DSC3: variants seen among roughly 807,000 people sequenced by gnomAD.
DSC3 encodes desmocollin 3.
A neutral mutation model predicts 89.5 loss-of-function variants in DSC3; 97 were observed. The observed-to-expected ratio is 1.08, with a 90% CI of 0.92 to 1.28. The LOEUF (loss-of-function observed/expected upper bound fraction) is 1.28, where lower values mean the gene tolerates loss of function less well. Ranked by LOEUF, DSC3 falls within the 50% of genes most tolerant of loss-of-function variation. The pLI is 0.00. For synonymous variants in DSC3, 436 were observed against 384.1 expected (o/e 1.14, Z -1.58); for missense variants, 1,199 against 1,085.3 (o/e 1.10, Z -1.47).
chr18:31,009,184 G>A (rs1984974137), intron 9 of DSC3, among the ~76,000 whole-genome samples: 1 of 152,042 alleles, frequency 6.6e-6, no homozygotes, highest in Non-Finnish European at 1.5e-5. Flanking sequence ...CCATGTAGCT[G>A]GGACTACAGG....
At chr18:31,000,660 T>C (rs1984621406) in intron 14 of DSC3, among the ~76,000 whole-genome samples, 1 of 152,206 alleles carries the variant, frequency 6.6e-6, no homozygotes, top group African/African-American at 2.4e-5. Flanking sequence ...AAATAGCCCC[T>C]AAACTTTATC....
At chr18:31,036,785 G>A (rs1014530452) in intron 1 of DSC3, among the ~76,000 whole-genome samples, 7 of 89,642 alleles carry the variant, frequency 7.8e-5, no homozygotes, top group African/African-American at 1.7e-4. Flanking sequence ...TTTCCTTTTT[G>A]CTTTCTTTCT....
At chr18:31,016,562 A>G (rs934925390) in intron 9 of DSC3, among the ~76,000 whole-genome samples, 2 of 152,174 alleles carry the variant, frequency 1.3e-5, no homozygotes, top group Admixed American at 6.5e-5. Context: ...TATACACCAC[A>G]GCCCCTCAGC....
At chr18:31,035,317 C>G (rs1447072857) in intron 1 of DSC3, among the ~76,000 whole-genome samples, 1 of 151,874 alleles carries the variant, frequency 6.6e-6, no homozygotes, top group Non-Finnish European at 1.5e-5. Flanking sequence ...ACAAAAATAT[C>G]ACAAAAATAT....
At chr18:31,027,895 C>T (rs1201728205) in intron 4 of DSC3, among the ~76,000 whole-genome samples, 1 of 152,012 alleles carries the variant, frequency 6.6e-6, no homozygotes, top group South Asian at 2.1e-4. Flanking sequence ...CAGCTTAAAC[C>T]TTATGAAACA....
chr18:31,037,704 T>C (rs1257465018), intron 1 of DSC3, among the ~76,000 whole-genome samples: 2 of 152,078 alleles, frequency 1.3e-5, no homozygotes, highest in African/African-American at 4.8e-5. Context: ...GTTCGAGACA[T>C]GCCGGACCAA....
At chr18:30,994,567 C>T (rs1315310867) in intron 15 of DSC3, 195 bp from the exon 16 acceptor site, 3 of 1,228,646 alleles carry the variant, frequency 2.4e-6, no homozygotes, top group East Asian at 5.4e-5. Context: ...GTTTACATTT[C>T]TAGTGCTCCA....
At chr18:31,014,479 A>G (rs1252199696) in intron 9 of DSC3, among the ~76,000 whole-genome samples, 3 of 152,098 alleles carry the variant, frequency 2.0e-5, no homozygotes, top group East Asian at 3.9e-4. Flanking sequence ...TTGAACTTTG[A>G]ATTTTTGTTT....
chr18:31,031,204 A>G, intron 2 of DSC3, 32 bp from the exon 3 acceptor site: 1 of 1,475,548 alleles, frequency 6.8e-7, no homozygotes, highest in Non-Finnish European at 9.3e-7. Context: ...TTGTAAGGTA[A>G]AAACACATGA....
chr18:31,022,187 T>TA (rs1054578088), intron 7 of DSC3, 149 bp downstream of exon 7: 87 of 975,486 alleles, frequency 8.9e-5, no homozygotes, highest in Admixed American at 3.9e-4. Flanking sequence ...AGAAATAATA[T>TA]AAAAAACAGA....
chr18:31,029,313 G>T (rs905900133), intron 4 of DSC3, among the ~76,000 whole-genome samples, 196 bp downstream of exon 4: 2 of 152,106 alleles, frequency 1.3e-5, no homozygotes, highest in African/African-American at 4.8e-5. Context: ...AACAAATAAA[G>T]ATCATTCAAT....
intron 12 of DSC3, 101 bp from the exon 13 acceptor site, chr18:31,004,467 C>T: frequency 4.9e-6 from 5 of 1,013,020 alleles, no homozygotes; most frequent in Non-Finnish European, 7.3e-6. Flanking sequence ...TCTCAAGGAA[C>T]TGCCTGCCAG....
intron 9 of DSC3, among the ~76,000 whole-genome samples, chr18:31,017,118 T>C (rs1233931277): frequency 6.6e-6 from 1 of 152,164 alleles, no homozygotes; most frequent in Non-Finnish European, 1.5e-5. Flanking sequence ...TACTTGGTTT[T>C]AGTATTCAAT....
intron 7 of DSC3, among the ~76,000 whole-genome samples, chr18:31,019,084 A>C (rs1985332393): frequency 6.6e-6 from 1 of 152,154 alleles, no homozygotes; most frequent in Admixed American, 6.5e-5. Context: ...GCACAAAATA[A>C]GAATATTTGA....
chr18:31,001,083 G>GTA (rs1486844916), intron 14 of DSC3, among the ~76,000 whole-genome samples: 1 of 99,964 alleles, frequency 1.0e-5, no homozygotes, highest in African/African-American at 3.7e-5. Flanking sequence ...TATACTTTGT[G>GTA]TGTGTGTATA....
Position 30,991,554 on chromosome 18 carries a change from G to A in DSC3, c.*2621C>T, listed in dbSNP as rs1984242687. 6.6e-6 allele frequency: 1 copy of A among 152,188 alleles called. No homozygotes were observed. Among genetic ancestry groups the A allele is most frequent in the Non-Finnish European group, 1.5e-5 (1 of 68,048 alleles). 9.4% of individuals were successfully genotyped at this position (152,188 alleles called of 1,614,324 possible). A position where few individuals can be genotyped will look rare whatever the true frequency, so the allele number is the denominator to read the frequency against. On this transcript the variant is annotated 3_prime_UTR_variant, in exon 16 of 16. Transcript: ENST00000360428. The stretch of plus-strand genomic sequence containing the variant: ...TTTTATAAACAGGGAAGTGATACTG[G>A]TTGCTCTTTGAGAAAGTTTATCGGC...
Position 30,993,621 on chromosome 18 carries a change from C to G in DSC3, c.*554G>C, listed in dbSNP as rs1233387561. 3 of 153,232 alleles carry G rather than the reference C, an allele frequency of 2.0e-5. No individual in the cohort carries two copies. Among genetic ancestry groups the G allele is most frequent in the Non-Finnish European group, 4.4e-5 (3 of 68,888 alleles). 9.5% of individuals were successfully genotyped at this position (153,232 alleles called of 1,614,324 possible). Reference sequence around the variant, plus strand: ...ACACACATTTATTTCCAACTATATTCCTATAGAAAATTGCTACTTCATAGG... The same window carrying G: ...ACACACATTTATTTCCAACTATATTGCTATAGAAAATTGCTACTTCATAGG... On this transcript the variant is annotated 3_prime_UTR_variant, in exon 16 of 16. Coordinates refer to ENST00000360428, the MANE Select transcript of DSC3 (RefSeq NM_001941.5).
Position 30,994,304 on chromosome 18 carries a change from A to T in DSC3, c.2562T>A (p.Tyr854Ter), listed in dbSNP as rs1333726220. The change falls in exon 16 of 16, where the codon TAT (tyrosine) becomes TAA (stop). Residue 854 changes from tyrosine (Y) to a stop codon, truncating the protein, a stop_gained. Coordinates refer to ENST00000360428, the MANE Select transcript of DSC3 (RefSeq NM_001941.5). LOFTEE classifies it high-confidence loss of function. Reference protein sequence around the residue: ...PSQDYVLTYNYEGRGSPAGSV... With the variant: ...PSQDYVLTYN The stretch of plus-strand genomic sequence containing the variant: ...AACCAGCTGGAGATCCTCTTCCCTC[A>T]TAGTTATAAGTGAGGACATAATCTT... The T allele has an allele frequency of 1.2e-6, 2 of 1,614,090 alleles. No homozygotes were observed. Among genetic ancestry groups the T allele is most frequent in the East Asian group, 2.2e-5 (1 of 44,858 alleles).
chr18:31,039,490 G>A (rs1986068714), intron 1 of DSC3, among the ~76,000 whole-genome samples: 1 of 152,094 alleles, frequency 6.6e-6, no homozygotes, highest in Non-Finnish European at 1.5e-5. Flanking sequence ...TTTCTCCTGT[G>A]GCCATAAGTC....
Sources: allele counts gnomAD v4.1 joint callset (sites outside exome capture counted in the v4.1 genomes callset), GRCh38; gene constraint gnomAD v4.1.1; transcripts MANE v1.5; gene names NCBI Gene and HGNC (gene_info 2026-07-23, HGNC 2026-07-21).